The following RNPS1 variants were observed in gnomAD, a reference collection of about 807,000 sequenced individuals.
RNPS1 encodes RNA-binding protein with serine-rich domain 1.
For missense variants in RNPS1, 300 were observed against 427.6 expected (o/e 0.70, Z 2.63); for synonymous variants, 147 against 150.0 (o/e 0.98, Z 0.15).
chr16:2,253,424 C>A lies in RNPS1; in HGVS notation c.*540G>T. ...GTGGGGTGCGGTGTGTGCATCGGTG[C>A]ACGGACAGACAGAACCACGAGCAGC... is the stretch of plus-strand genomic sequence containing the variant. On this transcript the variant is annotated 3_prime_UTR_variant, in exon 8 of 8. Transcript: ENST00000320225. 1 of 198,464 alleles carries A rather than the reference C, an allele frequency of 5.0e-6. No individual in the cohort carries two copies. Among genetic ancestry groups the A allele is most frequent in the Admixed American group, 5.8e-5 (1 of 17,106 alleles). 12.3% of individuals were successfully genotyped at this position (198,464 alleles called of 1,614,324 possible). A position where few individuals can be genotyped will look rare whatever the true frequency, so the allele number is the denominator to read the frequency against.
In RNPS1 at chr16:2,253,322, CG is replaced by C. The variant is rs2093559917; in HGVS notation, c.*641del. 1 of 152,810 alleles carries C rather than the reference CG, an allele frequency of 6.5e-6. No homozygotes were observed. The highest frequency in any genetic ancestry group is 2.1e-4 in the South Asian group (1 of 4,872). 9.5% of individuals were successfully genotyped at this position (152,810 alleles called of 1,614,324 possible). A position where few individuals can be genotyped will look rare whatever the true frequency, so the allele number is the denominator to read the frequency against. ...AGATAACCTGAAAGACCACCATGAA[CG>C]GCAGGCACAACCATGGCTGCGTGAT... On this transcript the variant is annotated 3_prime_UTR_variant, in exon 8 of 8. Coordinates refer to ENST00000320225, the MANE Select transcript of RNPS1 (RefSeq NM_080594.4).
chr16:2,257,842 G>GT (rs2093585457), intron 6 of RNPS1: 1 of 152,272 alleles, frequency 6.6e-6, no homozygotes, highest in African/African-American at 2.4e-5. Context: ...TATACAGTTT[G>GT]TAACAGGGCC....
rs2093610275 is a variant in RNPS1 at position 2,263,156 on chromosome 16, G to C, written c.359C>G (p.Ser120Cys). Residue 120 changes from serine (S) to cysteine (C), a missense_variant, in exon 4 of 8, where the codon TCT becomes TGT. Transcript: ENST00000320225. ...CCGAGAAGGACTTGGAGAGCCAGAA[G>C]AGCTGCTAGAGCTGGAGCTGCGGGA... ...STSRSSSSSS[S>C]SGSPSPSRRR... 6.2e-7 allele frequency: 1 copy of C among 1,613,748 alleles called. No homozygotes were observed. The highest frequency in any genetic ancestry group is 1.3e-5 in the African/African-American group (1 of 74,928).
intron 6 of RNPS1, chr16:2,256,905 G>A (rs1043455045): frequency 6.6e-6 from 1 of 152,294 alleles, no homozygotes; most frequent in Non-Finnish European, 1.5e-5. Context: ...GGACAGCTGG[G>A]AAGTAAAATT....
chr16:2,267,794 G>C (rs2093631376), intron 1 of RNPS1: 2 of 1,422,292 alleles, frequency 1.4e-6, no homozygotes, highest in East Asian at 3.0e-5. Context: ...AGTCCCGCGG[G>C]CCTGGCTGGG....
intron 1 of RNPS1, chr16:2,266,167 C>T (rs1326070283): frequency 1.9e-5 from 19 of 985,272 alleles, no homozygotes; most frequent in Non-Finnish European, 2.2e-5. Flanking sequence ...TCCTGGTTTC[C>T]CTGTGCAGTG....
At chr16:2,262,479 C>G (rs375179221) in intron 5 of RNPS1, 48 bp from the exon 6 acceptor site, 1 of 1,604,184 alleles carries the variant, frequency 6.2e-7, no homozygotes, top group South Asian at 1.1e-5. Context: ...CAGTCAGTCA[C>G]GTCAGACGCA....
Position 2,253,800 on chromosome 16 carries a change from C to T in RNPS1, c.*164G>A. The T allele has an allele frequency of 1.4e-6, 1 of 726,556 alleles. No homozygotes were observed. The highest frequency in any genetic ancestry group is 2.5e-6 in the Non-Finnish European group (1 of 397,148). The allele number at this position is 726,556 out of a possible 1,614,324, so 45.0% of individuals were successfully genotyped here. A position where few individuals can be genotyped will look rare whatever the true frequency, so the allele number is the denominator to read the frequency against. ...GCACACAGCATCCAAACCAACAGCA[C>T]TTCTGCAGCCGGGGCCCGGCTGGCA... is the stretch of plus-strand genomic sequence containing the variant. On this transcript the variant is annotated 3_prime_UTR_variant, in exon 8 of 8. Transcript: ENST00000320225.
chr16:2,253,698 C>A lies in RNPS1; in HGVS notation c.*266G>T, dbSNP rs1159267344. 7.0e-6 allele frequency: 4 copies of A among 572,276 alleles called. No homozygotes were observed. The Admixed American group carries it at 9.2e-5, about 13-fold the overall frequency. 35.4% of individuals were successfully genotyped at this position (572,276 alleles called of 1,614,324 possible). On this transcript the variant is annotated 3_prime_UTR_variant, in exon 8 of 8. Coordinates refer to ENST00000320225, the MANE Select transcript of RNPS1 (RefSeq NM_080594.4). ...CAAGAGCCTCACTTTTCCCTGGTGG[C>A]TCTGCCACTGAACTGACTCTTAGAA...
chr16:2,259,748 G>C (rs1784217836), intron 6 of RNPS1, among the ~76,000 whole-genome samples: 1 of 152,174 alleles, frequency 6.6e-6, no homozygotes, highest in African/African-American at 2.4e-5. Flanking sequence ...AATTAGCTGG[G>C]TGTGGTGGCC....
At chr16:2,266,029 T>C (rs1201171504) in intron 1 of RNPS1, 1 of 806,680 alleles carries the variant, frequency 1.2e-6, no homozygotes, top group East Asian at 1.3e-4. Flanking sequence ...GCCTTCAGTA[T>C]TTCTAGTAAG....
chr16:2,266,626 A>G (rs1440161054), intron 1 of RNPS1: 16 of 985,282 alleles, frequency 1.6e-5, no homozygotes, highest in Non-Finnish European at 1.7e-5. Context: ...CCCCACAGAC[A>G]CTTGTCTCCA....
intron 6 of RNPS1, chr16:2,258,540 C>T (rs2093588583): frequency 6.6e-6 from 1 of 152,008 alleles, no homozygotes; most frequent in Non-Finnish European, 1.5e-5. Flanking sequence ...GCCTGGCCAA[C>T]ATGGTGAAAC....
intron 1 of RNPS1, chr16:2,267,340 C>T (rs2093628964): frequency 3.0e-6 from 3 of 984,976 alleles, no homozygotes; most frequent in Non-Finnish European, 3.6e-6. Context: ...ACATTTCAGG[C>T]ACAGTTCATG....
At chr16:2,257,895 A>T (rs528345061) in intron 6 of RNPS1, 1 of 152,230 alleles carries the variant, frequency 6.6e-6, no homozygotes, top group Non-Finnish European at 1.5e-5. Context: ...TCCACTCCCC[A>T]CCAGGCCTGG....
chr16:2,259,418 A>T (rs180878850), intron 6 of RNPS1, among the ~76,000 whole-genome samples: 6 of 152,342 alleles, frequency 3.9e-5, no homozygotes, highest in African/African-American at 1.4e-4. Context: ...GTCTTTAACT[A>T]TGGCTGCCCT....
intron 7 of RNPS1, among the ~76,000 whole-genome samples, chr16:2,255,313 G>A (rs2093572949): frequency 6.6e-6 from 1 of 152,212 alleles, no homozygotes; most frequent in Non-Finnish European, 1.5e-5. Flanking sequence ...CCTGCACCTG[G>A]GCTCACAGGT....
intron 6 of RNPS1, 134 bp from the exon 7 acceptor site, chr16:2,255,860 G>C: frequency 4.1e-6 from 4 of 965,818 alleles, no homozygotes; most frequent in Non-Finnish European, 4.7e-6. Context: ...GGGCATGGTG[G>C]CTCACTCCTG....
rs935059193 is a variant in RNPS1, at chr16:2,264,103, C to T, written c.227+73G>A. On this transcript the variant is annotated intron_variant, in intron 3 of 7. Transcript: ENST00000320225. ...TTTCTTTGTAAATAATCAAGAAAACCGAGCCATCTGTGGGGAGTGGGGGTG... is the reference window on the plus strand; with the variant it reads ...TTTCTTTGTAAATAATCAAGAAAACTGAGCCATCTGTGGGGAGTGGGGGTG... The T allele has an allele frequency of 1.2e-5, 18 of 1,546,714 alleles. No homozygotes were observed. The African/African-American group carries it at 1.4e-4, about 12-fold the overall frequency.
Sources: gnomAD v4.1 joint callset for allele counts (sites outside exome capture counted in the v4.1 genomes callset) on GRCh38, gnomAD v4.1.1 for gene constraint, MANE v1.5 for transcripts, NCBI Gene and HGNC (gene_info 2026-07-23, HGNC 2026-07-21) for gene names.